The following LY96 variants were observed in gnomAD, a reference collection of about 807,000 sequenced individuals.
LY96 encodes myeloid differentiation protein-2.
In LY96, 18 loss-of-function variants were observed where a neutral mutation model predicts 18.9. The ratio of observed to expected loss-of-function variants is 0.95; its 90% CI spans 0.66 to 1.41. The LOEUF (loss-of-function observed/expected upper bound fraction) is 1.41, where lower values mean the gene tolerates loss of function less well. Among genes scored for constraint, LY96 ranks in the 40% most tolerant of loss-of-function variants. LY96 has a pLI of 0.00. For missense variants in LY96, 175 were observed against 182.4 expected (o/e 0.96, Z 0.23); for synonymous variants, 66 against 62.6 (o/e 1.06, Z -0.26).
chr8:74,094,310 A>G, the LY96 span, among the ~76,000 whole-genome samples: 3 of 152,058 alleles, frequency 2.0e-5, no homozygotes, highest in African/African-American at 7.2e-5. Flanking sequence ...ACAAAACCTC[A>G]TAAGTTTTGA....
At chr8:74,056,397 T>C in the LY96 span, 1 of 259,748 alleles carries the variant, frequency 3.8e-6, no homozygotes, top group Non-Finnish European at 7.3e-6. Flanking sequence ...GACAGATGTC[T>C]TAAAAGAGAC....
intron 1 of LY96, among the ~76,000 whole-genome samples, chr8:73,997,920 T>C (rs1257866729): frequency 6.6e-6 from 1 of 152,218 alleles, no homozygotes; most frequent in African/African-American, 2.4e-5. Flanking sequence ...AGCATCTCCA[T>C]GTGTTCACCA....
intron 2 of LY96, 93 bp from the exon 3 acceptor site, chr8:74,009,908 C>T: frequency 1.1e-6 from 1 of 874,634 alleles, no homozygotes; most frequent in East Asian, 2.6e-5. Context: ...GTAAGAAAAG[C>T]ACAGGGCCCC....
At chr8:74,038,532 T>A in the LY96 span, among the ~76,000 whole-genome samples, 2 of 152,210 alleles carry the variant, frequency 1.3e-5, no homozygotes, top group Non-Finnish European at 2.9e-5. Flanking sequence ...ATCTTATTCT[T>A]GCTCTTGTTT....
At chr8:74,062,991 G>A in the LY96 span, among the ~76,000 whole-genome samples, 2 of 152,184 alleles carry the variant, frequency 1.3e-5, no homozygotes, top group Non-Finnish European at 2.9e-5. Flanking sequence ...TAACTTCTGA[G>A]TATCAGAAAT....
chr8:74,061,822 T>C, the LY96 span, among the ~76,000 whole-genome samples: 4 of 152,230 alleles, frequency 2.6e-5, no homozygotes, highest in Admixed American at 6.5e-5. Context: ...ACAAAAGCTC[T>C]CATGTTCTAC....
chr8:74,015,094 A>G (rs1424057807), intron 3 of LY96, among the ~76,000 whole-genome samples: 1 of 151,972 alleles, frequency 6.6e-6, no homozygotes, highest in African/African-American at 2.4e-5. Context: ...GTGGTCCCAG[A>G]TACTTGAGAG....
chr8:74,091,139 G>C, the LY96 span, among the ~76,000 whole-genome samples: 1 of 152,160 alleles, frequency 6.6e-6, no homozygotes, highest in South Asian at 2.1e-4. Flanking sequence ...CGAGGAGAAA[G>C]TGAGGCTACA....
the LY96 span, among the ~76,000 whole-genome samples, chr8:74,034,365 C>T: frequency 1.6e-3 from 247 of 151,132 alleles, 1 homozygote; most frequent in Middle Eastern, 6.8e-3. Flanking sequence ...AAGCGAGACT[C>T]TGTGCCTTAA....
the LY96 span, among the ~76,000 whole-genome samples, chr8:74,083,015 T>G: frequency 6.6e-6 from 1 of 152,030 alleles, no homozygotes. Context: ...AATGCCAAGG[T>G]GTCATATTTT....
intron 1 of LY96, among the ~76,000 whole-genome samples, chr8:74,004,287 C>A (rs888729465): frequency 2.6e-5 from 4 of 152,142 alleles, no homozygotes; most frequent in Non-Finnish European, 5.9e-5. Context: ...GTAGACTGTG[C>A]CAGACTCATC....
chr8:74,018,997 C>T (rs1308855922), intron 3 of LY96, among the ~76,000 whole-genome samples: 2 of 152,096 alleles, frequency 1.3e-5, no homozygotes, highest in African/African-American at 4.8e-5. Context: ...GACACCCTAA[C>T]ATCACAATTA....
chr8:74,034,259 C>G, the LY96 span, among the ~76,000 whole-genome samples: 1 of 152,006 alleles, frequency 6.6e-6, no homozygotes, highest in African/African-American at 2.4e-5. Flanking sequence ...GTAATCCCAG[C>G]TACTCGGGAG....
chr8:74,036,693 A>T, the LY96 span, among the ~76,000 whole-genome samples: 1 of 152,206 alleles, frequency 6.6e-6, no homozygotes, highest in African/African-American at 2.4e-5. Context: ...GACTGATTTG[A>T]GTGGTAACTC....
Position 74,026,653 on chromosome 8 carries a change from T to C in LY96, c.332-136T>C, listed in dbSNP as rs1816877871. 6.1e-6 allele frequency: 4 copies of C among 658,148 alleles called. No homozygotes were observed. The Admixed American group carries it at 6.6e-5, about 11-fold the overall frequency. 40.8% of individuals were successfully genotyped at this position (658,148 alleles called of 1,614,324 possible). On this transcript the variant is annotated intron_variant, in intron 3 of 4. Coordinates refer to ENST00000284818, the MANE Select transcript of LY96 (RefSeq NM_015364.5). ...CCACAGGAGAATAGCAGCCAGGGTA[T>C]AAAAGATTCATTATTTTTCTACAGT... is the stretch of plus-strand genomic sequence containing the variant.
chr8:73,993,727 G>C lies in LY96; in HGVS notation c.112+2173G>C, dbSNP rs191367201. 3.6e-3 allele frequency among the ~76,000 whole-genome samples: 544 copies of C among 152,264 alleles called. 11 individuals are homozygous for C. The highest frequency in any genetic ancestry group is 6.0e-4 in the Non-Finnish European group (41 of 68,020). ...CAAAGTGTTGGGATTACAGGCGTGA[G>C]CCACCGCAGCTGGCCTAATTATTAA... On this transcript the variant is annotated intron_variant, in intron 1 of 4. Transcript: ENST00000284818.
At chr8:74,070,318 C>G in the LY96 span, among the ~76,000 whole-genome samples, 1 of 152,052 alleles carries the variant, frequency 6.6e-6, no homozygotes, top group Non-Finnish European at 1.5e-5. Flanking sequence ...GTCTCAATCT[C>G]CTGACCTCGT....
At chr8:74,023,697 T>G (rs1055377460) in intron 3 of LY96, among the ~76,000 whole-genome samples, 7 of 152,128 alleles carry the variant, frequency 4.6e-5, no homozygotes, top group African/African-American at 1.4e-4. Flanking sequence ...CTCTGGCTTG[T>G]GTTAGTTTCC....
At chr8:74,034,230 G>T in the LY96 span, among the ~76,000 whole-genome samples, 2 of 152,140 alleles carry the variant, frequency 1.3e-5, no homozygotes, top group Non-Finnish European at 2.9e-5. Context: ...AAATTAGCCA[G>T]GTGTGGTGGT....
Sources: allele counts gnomAD v4.1 joint callset (sites outside exome capture counted in the v4.1 genomes callset), GRCh38; gene constraint gnomAD v4.1.1; transcripts MANE v1.5; gene names NCBI Gene and HGNC (gene_info 2026-07-23, HGNC 2026-07-21).